SLC35D2: variants seen among roughly 807,000 people sequenced by gnomAD.
SLC35D2 encodes the protein nucleotide sugar transporter SLC35D2.
In SLC35D2, 43 loss-of-function variants were observed where a neutral mutation model predicts 41.8. The ratio of observed to expected loss-of-function variants is 1.03; its 90% CI spans 0.81 to 1.33. The LOEUF is 1.33. Among genes scored for constraint, SLC35D2 ranks in the 40% most tolerant of loss-of-function variants. SLC35D2 has a pLI of 0.00. For missense variants in SLC35D2, 380 were observed against 408.4 expected (o/e 0.93, Z 0.60); for synonymous variants, 150 against 163.9 (o/e 0.92, Z 0.65).
rs1371213258 is a variant in SLC35D2 at position 96,322,090 on chromosome 9, AAGAG to A, written c.832-14_832-11del. On this transcript the variant is annotated splice_polypyrimidine_tract_variant and intron_variant, in intron 10 of 11. Coordinates refer to ENST00000253270, the MANE Select transcript of SLC35D2 (RefSeq NM_007001.3). ...AGGCAACGGATACATTCTGCAGAAA[AAGAG>A]AGAGGATTCGTCATTTTAAAAGTAA... is the stretch of plus-strand genomic sequence containing the variant. The A allele has an allele frequency of 6.5e-7, 1 of 1,529,548 alleles. No individual in the cohort carries two copies. The highest frequency in any genetic ancestry group is 9.0e-7 in the Non-Finnish European group (1 of 1,109,220). The allele number at this position is 1,529,548 out of a possible 1,614,324, so 94.7% of individuals were successfully genotyped here. A position where few individuals can be genotyped will look rare whatever the true frequency, so the allele number is the denominator to read the frequency against.
chr9:96,317,065 A>G (rs918564609), downstream of SLC35D2, among the ~76,000 whole-genome samples: 1 of 151,852 alleles, frequency 6.6e-6, no homozygotes, highest in African/African-American at 2.4e-5. Context: ...GTGAAACTGG[A>G]AGGCGGAGCT....
intron 4 of SLC35D2, among the ~76,000 whole-genome samples, chr9:96,358,032 AAAT>A (rs897301963): frequency 6.8e-6 from 1 of 148,136 alleles, no homozygotes; most frequent in Admixed American, 6.8e-5. Context: ...CTGTCTCAAA[AAAT>A]AATAATAATA....
At chr9:96,346,198 A>C (rs1396872690) in intron 6 of SLC35D2, among the ~76,000 whole-genome samples, 1 of 152,242 alleles carries the variant, frequency 6.6e-6, no homozygotes, top group African/African-American at 2.4e-5. Context: ...ACAGATTAAC[A>C]GGAGAAAGAG....
chr9:96,322,853 G>C (rs1261772288), intron 10 of SLC35D2, among the ~76,000 whole-genome samples: 1 of 151,310 alleles, frequency 6.6e-6, no homozygotes, highest in African/African-American at 2.4e-5. Context: ...AAGTAGCTGG[G>C]ACTACAGGGC....
At chr9:96,327,119 T>C (rs7030583) in intron 9 of SLC35D2, among the ~76,000 whole-genome samples, 99,778 of 152,118 alleles carry the variant, frequency 0.66, 33,814 homozygotes, top group East Asian at 0.87. Context: ...AGGCCGCCTA[T>C]GCACCAGCAC....
intron 10 of SLC35D2, among the ~76,000 whole-genome samples, chr9:96,323,459 G>C (rs1828350330): frequency 1.3e-5 from 2 of 151,972 alleles, no homozygotes; most frequent in South Asian, 4.2e-4. Flanking sequence ...CCAAATTATG[G>C]ATCACAAGGT....
intron 4 of SLC35D2, among the ~76,000 whole-genome samples, chr9:96,355,283 T>G (rs1829973738): frequency 2.6e-5 from 4 of 151,570 alleles, no homozygotes; most frequent in Admixed American, 2.6e-4. Flanking sequence ...TCTCCCAAAG[T>G]GCTGGGACTA....
At position 96,383,573 on chromosome 9, in the gene SLC35D2, AGCCGCGCCGC is replaced by A; in HGVS notation, c.52_61del (p.Ala18CysfsTer29). 6.8e-7 allele frequency: 1 copy of A among 1,476,990 alleles called. No individual in the cohort carries two copies. Among genetic ancestry groups the A allele is most frequent in the Non-Finnish European group, 9.0e-7 (1 of 1,112,836 alleles). The allele number at this position is 1,476,990 out of a possible 1,614,324, so 91.5% of individuals were successfully genotyped here. Reference sequence around the variant, plus strand: ...CAGCAGCCGGGCCACCCGCGAGGGCAGCCGCGCCGCGCCGGGCTCCCCGCCAGCGCCCTCG... The same window carrying A: ...CAGCAGCCGGGCCACCCGCGAGGGCAGCCGGGCTCCCCGCCAGCGCCCTCG... On this transcript the variant is annotated frameshift_variant, in exon 1 of 12. Transcript: ENST00000253270. LOFTEE classifies it high-confidence loss of function.
At chr9:96,329,419 T>C (rs575265739) in intron 9 of SLC35D2, among the ~76,000 whole-genome samples, 4 of 151,972 alleles carry the variant, frequency 2.6e-5, no homozygotes, top group African/African-American at 9.6e-5. Flanking sequence ...AGAAATGAGT[T>C]CTCATATGTT....
In SLC35D2 at chr9:96,320,957, G is replaced by A. The variant is rs561276349; in HGVS notation, c.*285C>T. The A allele has an allele frequency of 4.0e-5, 12 of 298,542 alleles. No individual in the cohort carries two copies. Among genetic ancestry groups the A allele is most frequent in the South Asian group, 1.1e-4 (2 of 18,594 alleles). 18.5% of individuals were successfully genotyped at this position (298,542 alleles called of 1,614,324 possible). On this transcript the variant is annotated 3_prime_UTR_variant, in exon 12 of 12. Transcript: ENST00000253270. ...CACACAGCACAGAGATGCCACGAAG[G>A]CCCCATAGGTCCCTAGAAGAGCAGC...
At chr9:96,336,370 A>G (rs773837850) in intron 9 of SLC35D2, among the ~76,000 whole-genome samples, 6 of 152,190 alleles carry the variant, frequency 3.9e-5, no homozygotes, top group Admixed American at 6.5e-5. Flanking sequence ...GTGAGACCCC[A>G]TCTCTTAAAA....
chr9:96,375,854 C>T (rs1379130793), intron 1 of SLC35D2, among the ~76,000 whole-genome samples: 1 of 151,934 alleles, frequency 6.6e-6, no homozygotes, highest in African/African-American at 2.4e-5. Flanking sequence ...CCCGTCTCTA[C>T]TAAAAATAAA....
At chr9:96,379,706 G>C (rs184262289) in intron 1 of SLC35D2, among the ~76,000 whole-genome samples, 1 of 152,188 alleles carries the variant, frequency 6.6e-6, no homozygotes, top group East Asian at 1.9e-4. Context: ...TCAATAATGT[G>C]AGCTTAAAGC....
At chr9:96,318,494 C>T (rs79723739), downstream of SLC35D2, among the ~76,000 whole-genome samples, 4 of 151,558 alleles carry the variant, frequency 2.6e-5, no homozygotes, top group Non-Finnish European at 4.4e-5. Flanking sequence ...AATATAAAAG[C>T]GTATTGAAAC....
intron 3 of SLC35D2, among the ~76,000 whole-genome samples, chr9:96,363,638 T>C (rs909282551): frequency 3.3e-5 from 5 of 152,240 alleles, no homozygotes; most frequent in African/African-American, 1.2e-4. Context: ...TGCGTATTTC[T>C]ATGTATATCA....
chr9:96,336,706 T>C lies in SLC35D2; in HGVS notation c.752+11A>G, dbSNP rs1465493669. 3.3e-6 allele frequency: 5 copies of C among 1,522,734 alleles called. No individual in the cohort carries two copies. Among genetic ancestry groups the C allele is most frequent in the African/African-American group, 1.4e-5 (1 of 72,852 alleles). The allele number at this position is 1,522,734 out of a possible 1,614,324, so 94.3% of individuals were successfully genotyped here. On this transcript the variant is annotated intron_variant, in intron 9 of 11. Coordinates refer to ENST00000253270, the MANE Select transcript of SLC35D2 (RefSeq NM_007001.3). ...GTTGACCAATGCTTCTACTTATCTA[T>C]GGTTTCTTACCCCAAAAAACAGGAA...
chr9:96,315,328 C>T (rs1420143164), intron 11 of SLC35D2, among the ~76,000 whole-genome samples: 2 of 152,136 alleles, frequency 1.3e-5, no homozygotes, highest in African/African-American at 4.8e-5. Context: ...CACTGTGTTG[C>T]CCAGGCTGTT....
intron 9 of SLC35D2, among the ~76,000 whole-genome samples, chr9:96,326,976 G>A (rs1206379894): frequency 6.6e-6 from 1 of 152,160 alleles, no homozygotes; most frequent in African/African-American, 2.4e-5. Flanking sequence ...GGCCCTGGCT[G>A]TCAGAGGGGA....
chr9:96,324,262 T>A lies in SLC35D2; in HGVS notation c.753-93A>T, dbSNP rs1828402590. The A allele has an allele frequency of 4.9e-5, 47 of 949,846 alleles. 1 individual carries two copies. In the South Asian group the frequency reaches 7.6e-4, roughly 15 times the overall value. The allele number at this position is 949,846 out of a possible 1,614,324, so 58.8% of individuals were successfully genotyped here. On this transcript the variant is annotated intron_variant, in intron 9 of 11. Transcript: ENST00000253270. ...CCAGCAGTGACCCCCACACAAGCAC[T>A]TTAAGCGAAGAAAAAAGAAACACAT...
Sources: allele counts gnomAD v4.1 joint callset (sites outside exome capture counted in the v4.1 genomes callset), GRCh38; gene constraint gnomAD v4.1.1; transcripts MANE v1.5; gene names NCBI Gene and HGNC (gene_info 2026-07-23, HGNC 2026-07-21).